The following RAPH1 variants were observed in gnomAD, a reference collection of about 807,000 sequenced individuals.
RAPH1 encodes the protein Ras association (RalGDS/AF-6) and pleckstrin homology domains 1.
A neutral mutation model predicts 88.1 loss-of-function variants in RAPH1; 18 were observed. That is an observed-to-expected ratio of 0.20 (90% confidence interval 0.14 to 0.30). The LOEUF is 0.30. Among genes scored for constraint, RAPH1 ranks in the 10% least tolerant of loss-of-function variants. The pLI, the probability that RAPH1 is intolerant of heterozygous loss-of-function variation, is 1.00. For synonymous variants in RAPH1, 587 were observed against 559.0 expected (o/e 1.05, Z -0.71); for missense variants, 1,448 against 1,543.2 (o/e 0.94, Z 1.03).
At chr2:203,517,550 G>C (rs950556017) in intron 1 of RAPH1, among the ~76,000 whole-genome samples, 2 of 151,964 alleles carry the variant, frequency 1.3e-5, no homozygotes, top group African/African-American at 2.4e-5. Flanking sequence ...ATTCATCCAA[G>C]AACAGAATAC....
At chr2:203,470,641 A>G (rs936982229) in intron 4 of RAPH1, among the ~76,000 whole-genome samples, 2 of 152,256 alleles carry the variant, frequency 1.3e-5, no homozygotes, top group African/African-American at 2.4e-5. Flanking sequence ...TGCTGTGCAC[A>G]GCACACAAAT....
At chr2:203,468,448 T>G (rs2098530380) in intron 4 of RAPH1, among the ~76,000 whole-genome samples, 2 of 152,182 alleles carry the variant, frequency 1.3e-5, no homozygotes. Context: ...TTTGCATCCT[T>G]CAGGCTTTAG....
In RAPH1 at chr2:203,441,062, G is replaced by T; in HGVS notation, c.2128C>A (p.Pro710Thr). 1 of 726,442 alleles carries T rather than the reference G, an allele frequency of 1.4e-6. No homozygotes were observed. The highest frequency in any genetic ancestry group is 2.2e-6 in the Non-Finnish European group (1 of 458,816). 45.0% of individuals were successfully genotyped at this position (726,442 alleles called of 1,614,324 possible). A position where few individuals can be genotyped will look rare whatever the true frequency, so the allele number is the denominator to read the frequency against. The change falls in exon 14 of 14, where the codon CCA (proline) becomes ACA (threonine). Residue 710 changes from proline (P) to threonine (T), a missense_variant. This residue lies in a region of RAPH1 where 935 missense variants were observed against 890.1 expected (regional missense o/e 1.05). Transcript: ENST00000319170. ...QILVPPNGVV[P>T]PPPPPPPPPT... ...GGTGGAGGAGGGGGAGGGGGTGGTG[G>T]AACAACTCCATTGGGGGGTACCAGG...
chr2:203,506,887 T>TAG lies in RAPH1; in HGVS notation c.1-11535_1-11534insCT, dbSNP rs1559495090. Among the ~76,000 whole-genome samples, 17 of 109,966 alleles carry TAG rather than the reference T, an allele frequency of 1.5e-4. 2 individuals are homozygous for TAG. Among genetic ancestry groups the TAG allele is most frequent in the East Asian group, 2.3e-4 (1 of 4,298 alleles). 72.1% of individuals were successfully genotyped at this position (109,966 alleles called of 152,430 possible). On this transcript the variant is annotated intron_variant, in intron 1 of 13. Transcript: ENST00000319170. ...ATATATATATATATATATAGATATA[T>TAG]ATATATATATATTTTTTTTTTTTTT...
At chr2:203,506,880 A>G (rs1325258594) in intron 1 of RAPH1, among the ~76,000 whole-genome samples, 4 of 87,302 alleles carry the variant, frequency 4.6e-5, no homozygotes, top group African/African-American at 2.3e-4. Context: ...ATATATATAT[A>G]GATATATATA....
At position 203,444,917 on chromosome 2, in the gene RAPH1, A is replaced by G; in HGVS notation, c.1727T>C (p.Val576Ala). ...GCCTCGTTTCCAGGCTTCAGAGAAT[A>G]CGGAGCTCACAATGCTCTGGGAACG... ...HVRSQSIVSSVFSEAWKRGTQ... is the reference protein window; with the variant it reads ...HVRSQSIVSSAFSEAWKRGTQ... Residue 576 changes from valine to alanine, a missense_variant, in exon 13 of 14, where the codon GTA becomes GCA. Coordinates refer to ENST00000319170, the MANE Select transcript of RAPH1 (RefSeq NM_213589.3). The G allele has an allele frequency of 1.9e-6, 3 of 1,614,146 alleles. No homozygotes were observed. The highest frequency in any genetic ancestry group is 2.5e-6 in the Non-Finnish European group (3 of 1,179,992).
rs2098497378 is a variant in RAPH1 at position 203,435,125 on chromosome 2, T to C, written c.*4312A>G. 2 of 152,520 alleles carry C rather than the reference T, an allele frequency of 1.3e-5. No individual in the cohort carries two copies. Among genetic ancestry groups the C allele is most frequent in the South Asian group, 4.1e-4 (2 of 4,826 alleles). The allele number at this position is 152,520 out of a possible 1,614,324, so 9.4% of individuals were successfully genotyped here. A position where few individuals can be genotyped will look rare whatever the true frequency, so the allele number is the denominator to read the frequency against. The stretch of plus-strand genomic sequence containing the variant: ...TTTTCTTTTTATTTATCAAGTTTTA[T>C]TCTACAGCTAAATTTCAGATTTCTT... On this transcript the variant is annotated 3_prime_UTR_variant, in exon 14 of 14. Coordinates refer to ENST00000319170, the MANE Select transcript of RAPH1 (RefSeq NM_213589.3).
At chr2:203,510,234 G>A (rs1355500804) in intron 1 of RAPH1, among the ~76,000 whole-genome samples, 1 of 148,244 alleles carries the variant, frequency 6.7e-6, no homozygotes, top group Admixed American at 7.0e-5. Flanking sequence ...TGCTCAGGAG[G>A]CTAACGTAGG....
At chr2:203,484,369 A>G (rs976905153) in intron 4 of RAPH1, among the ~76,000 whole-genome samples, 1 of 152,128 alleles carries the variant, frequency 6.6e-6, no homozygotes, top group African/African-American at 2.4e-5. Context: ...TGGGCCAGAT[A>G]ATTATCCTTC....
At chr2:203,513,738 G>C (rs549494535) in intron 1 of RAPH1, among the ~76,000 whole-genome samples, 1 of 149,308 alleles carries the variant, frequency 6.7e-6, no homozygotes, top group African/African-American at 2.5e-5. Context: ...GGGAGGCTGA[G>C]GCAGGAGAAT....
At chr2:203,447,185 T>TC (rs2098510660) in intron 12 of RAPH1, 1 of 148,818 alleles carries the variant, frequency 6.7e-6, no homozygotes, top group Admixed American at 6.7e-5. Flanking sequence ...TTCTTTCTTT[T>TC]TTTTTTTTTT....
chr2:203,527,657 G>A (rs1209054200), intron 1 of RAPH1, among the ~76,000 whole-genome samples: 2 of 151,846 alleles, frequency 1.3e-5, no homozygotes, highest in South Asian at 2.1e-4. Flanking sequence ...AAAATTAGCC[G>A]GGCGTGTTGG....
intron 1 of RAPH1, among the ~76,000 whole-genome samples, chr2:203,508,259 T>G (rs111737657): frequency 0.028 from 3,711 of 134,216 alleles, 64 homozygotes; most frequent in Non-Finnish European, 0.038. Context: ...AAGAAAGAAA[T>G]ATACACTGGG....
chr2:203,455,701 G>T, intron 8 of RAPH1, 121 bp from the exon 9 acceptor site: 4 of 903,462 alleles, frequency 4.4e-6, no homozygotes, highest in Non-Finnish European at 6.8e-6. Context: ...TTAAAACCAA[G>T]CTGCTAATTT....
chr2:203,459,766 T>C, intron 7 of RAPH1, 141 bp downstream of exon 7: 1 of 805,094 alleles, frequency 1.2e-6, no homozygotes, highest in Non-Finnish European at 2.0e-6. Flanking sequence ...GCAGCAGTAG[T>C]AGATGATGCT....
At position 203,527,237 on chromosome 2, in the gene RAPH1, T is replaced by TAGA. The variant is rs1399179437; in HGVS notation, c.-1+7873_-1+7874insTCT. On this transcript the variant is annotated intron_variant, in intron 1 of 13. Transcript: ENST00000319170. ...CCTTATCTTAATACACACATGTATT[T>TAGA]TATATATAATACATATTTATCCTTA... 3.3e-5 allele frequency among the ~76,000 whole-genome samples: 5 copies of TAGA among 152,276 alleles called. No individual in the cohort carries two copies. In the East Asian group the frequency reaches 9.6e-4, roughly 29 times the overall value.
In RAPH1 at chr2:203,440,698, G is replaced by T. The variant is rs777711804; in HGVS notation, c.2492C>A (p.Pro831His). 1.3e-6 allele frequency: 2 copies of T among 1,595,880 alleles called. No homozygotes were observed. The highest frequency in any genetic ancestry group is 3.4e-5 in the Admixed American group (2 of 59,130). The change falls in exon 14 of 14, where the codon CCT becomes CAT. Residue 831 changes from proline to histidine, a missense_variant. This residue lies in a region of RAPH1 where 935 missense variants were observed against 890.1 expected (regional missense o/e 1.05). Coordinates refer to ENST00000319170, the MANE Select transcript of RAPH1 (RefSeq NM_213589.3). ...ASYIPPSPPTPPVPVPPPTLP... is the reference protein window; with the variant it reads ...ASYIPPSPPTHPVPVPPPTLP... Reference sequence around the variant, plus strand: ...TGTTGGCGGGGGTACTGGAACAGGAGGGGTAGGGGGAGAGGGTGGAATGTA... The same window carrying T: ...TGTTGGCGGGGGTACTGGAACAGGATGGGTAGGGGGAGAGGGTGGAATGTA...
chr2:203,517,585 A>G (rs1581400438), intron 1 of RAPH1, among the ~76,000 whole-genome samples: 2 of 152,280 alleles, frequency 1.3e-5, no homozygotes, highest in East Asian at 3.9e-4. Flanking sequence ...CTCACACTGA[A>G]TATACTCCAA....
chr2:203,474,289 T>C (rs1029746635), intron 4 of RAPH1, among the ~76,000 whole-genome samples: 1 of 152,104 alleles, frequency 6.6e-6, no homozygotes, highest in Admixed American at 6.6e-5. Flanking sequence ...GAGGGAGAGT[T>C]ACTGGTATTT....
Sources: gnomAD v4.1 joint callset for allele counts (sites outside exome capture counted in the v4.1 genomes callset) on GRCh38, gnomAD v4.1.1 for gene constraint, gnomAD v4.1.1 regional missense constraint, MANE v1.5 for transcripts, NCBI Gene and HGNC (gene_info 2026-07-23, HGNC 2026-07-21) for gene names.